The following DCDC2 variants were observed in gnomAD, a reference collection of about 807,000 sequenced individuals.
DCDC2 encodes doublecortin domain-containing protein 2.
Under a neutral mutation model 50.2 loss-of-function variants are expected in DCDC2, and 40 were observed. The observed-to-expected ratio is 0.80, with a 90% confidence interval of 0.62 to 1.04. The LOEUF is 1.04. DCDC2 is among the 50% of genes least tolerant of loss of function. The probability of loss-of-function intolerance (pLI) is 0.00; values close to 1 mark genes in which losing one functional copy is unlikely to be tolerated. For synonymous variants in DCDC2, 234 were observed against 210.6 expected (o/e 1.11, Z -0.96); for missense variants, 570 against 581.9 (o/e 0.98, Z 0.21).
At chr6:24,191,616 T>A (rs887710391) in intron 8 of DCDC2, among the ~76,000 whole-genome samples, 5 of 152,146 alleles carry the variant, frequency 3.3e-5, no homozygotes, top group African/African-American at 1.2e-4. Flanking sequence ...GATTCCCTCA[T>A]AGAAAATCTG....
the DCDC2 span, among the ~76,000 whole-genome samples, chr6:24,370,756 T>C: frequency 6.6e-6 from 1 of 152,170 alleles, no homozygotes; most frequent in Non-Finnish European, 1.5e-5. Flanking sequence ...AAAAACTGTG[T>C]ATAACATGTT....
At position 24,256,281 on chromosome 6, in the gene DCDC2, T is replaced by TG. The variant is rs1263410354; in HGVS notation, c.922+21767_922+21768insC. ...GCTTCTCAGATGCTGGACATTTTTTTTTTTTTTTTTATCTGACTGTTGATT... is the reference window on the plus strand; with the variant it reads ...GCTTCTCAGATGCTGGACATTTTTTTGTTTTTTTTTTATCTGACTGTTGATT... On this transcript the variant is annotated intron_variant, in intron 7 of 9. Transcript: ENST00000378454. Among the ~76,000 whole-genome samples, 36 of 151,956 alleles carry TG rather than the reference T, an allele frequency of 2.4e-4. No homozygotes were observed. In the East Asian group the frequency reaches 5.2e-3, roughly 22 times the overall value.
intron 6 of DCDC2, among the ~76,000 whole-genome samples, chr6:24,281,389 G>A (rs1581629042): frequency 6.9e-6 from 1 of 145,710 alleles, no homozygotes; most frequent in Non-Finnish European, 1.5e-5. Context: ...TCCCCAGGCT[G>A]GCCTCAAATT....
chr6:24,287,392 G>T (rs1251599053), intron 6 of DCDC2, among the ~76,000 whole-genome samples: 1 of 151,990 alleles, frequency 6.6e-6, no homozygotes, highest in African/African-American at 2.4e-5. Flanking sequence ...GTCTCACTCT[G>T]TTGCCCAGGC....
At chr6:24,320,336 G>GT (rs1322135982) in intron 2 of DCDC2, among the ~76,000 whole-genome samples, 5 of 152,198 alleles carry the variant, frequency 3.3e-5, no homozygotes, top group African/African-American at 9.6e-5. Flanking sequence ...TGTTTGTTTT[G>GT]TGGGGGGTGG....
chr6:24,324,775 TG>T (rs1197217916), intron 2 of DCDC2, among the ~76,000 whole-genome samples: 5 of 151,652 alleles, frequency 3.3e-5, no homozygotes, highest in African/African-American at 1.2e-4. Context: ...TCCAGCTACT[TG>T]GGAGGGTGAG....
chr6:24,331,469 G>A (rs751548632), intron 2 of DCDC2, among the ~76,000 whole-genome samples: 14 of 151,712 alleles, frequency 9.2e-5, no homozygotes, highest in South Asian at 2.1e-4. Flanking sequence ...AGAATGGGTC[G>A]TATATTATAT....
intron 2 of DCDC2, among the ~76,000 whole-genome samples, chr6:24,317,804 AAAC>A (rs1759699566): frequency 6.6e-6 from 1 of 151,848 alleles, no homozygotes; most frequent in Non-Finnish European, 1.5e-5. Context: ...AATAAAAAAA[AAAC>A]TCTTTATACT....
chr6:24,381,958 A>AGGC, the DCDC2 span, among the ~76,000 whole-genome samples: 3 of 137,708 alleles, frequency 2.2e-5, no homozygotes, highest in African/African-American at 8.8e-5. Context: ...GAAGGAAAGA[A>AGGC]AGAAGGAAGG....
intron 2 of DCDC2, among the ~76,000 whole-genome samples, chr6:24,330,965 G>GA (rs967901558): frequency 8.5e-5 from 13 of 152,188 alleles, no homozygotes; most frequent in Admixed American, 7.9e-4. Context: ...TATTTGAGGA[G>GA]AAAAAGAATA....
intron 7 of DCDC2, among the ~76,000 whole-genome samples, chr6:24,226,107 C>G (rs1762229153): frequency 6.6e-6 from 1 of 152,176 alleles, no homozygotes; most frequent in Non-Finnish European, 1.5e-5. Flanking sequence ...TACTTGCCCA[C>G]AGTGGATTTA....
chr6:24,222,856 T>G (rs1421055176), intron 7 of DCDC2, among the ~76,000 whole-genome samples: 2 of 152,238 alleles, frequency 1.3e-5, no homozygotes, highest in African/African-American at 4.8e-5. Flanking sequence ...GTTCTATTAT[T>G]AAAGCCATTA....
At chr6:24,225,359 CAAAT>C (rs1324942227) in intron 7 of DCDC2, among the ~76,000 whole-genome samples, 11 of 152,222 alleles carry the variant, frequency 7.2e-5, no homozygotes, top group Admixed American at 2.6e-4. Context: ...GCAGTAGACA[CAAAT>C]AAACACATCT....
intron 8 of DCDC2, among the ~76,000 whole-genome samples, chr6:24,193,097 T>C (rs915802839): frequency 6.6e-6 from 1 of 152,052 alleles, no homozygotes; most frequent in Admixed American, 6.6e-5. Context: ...CCCCTCACAA[T>C]TCTGAGAGAA....
intron 2 of DCDC2, among the ~76,000 whole-genome samples, chr6:24,327,590 C>T (rs1007492048): frequency 6.6e-6 from 1 of 151,660 alleles, no homozygotes; most frequent in Admixed American, 6.6e-5. Flanking sequence ...TCTCCTGCCT[C>T]AGCCTCCTGA....
intron 8 of DCDC2, among the ~76,000 whole-genome samples, chr6:24,188,478 T>C (rs1449647027): frequency 6.6e-6 from 1 of 152,186 alleles, no homozygotes; most frequent in Non-Finnish European, 1.5e-5. Context: ...CATGCCACTG[T>C]TTAAGAGTCA....
chr6:24,198,680 G>A (rs1761505662), intron 8 of DCDC2, among the ~76,000 whole-genome samples: 1 of 152,106 alleles, frequency 6.6e-6, no homozygotes, highest in Non-Finnish European at 1.5e-5. Flanking sequence ...CCTGGAAAGG[G>A]GGCTGAAGCC....
At chr6:24,329,635 CA>C (rs1484714290) in intron 2 of DCDC2, among the ~76,000 whole-genome samples, 2 of 152,166 alleles carry the variant, frequency 1.3e-5, no homozygotes, top group Non-Finnish European at 2.9e-5. Context: ...TACCCATTGC[CA>C]TGATTCATCT....
the DCDC2 span, among the ~76,000 whole-genome samples, chr6:24,372,585 C>A: frequency 6.6e-6 from 1 of 152,090 alleles, no homozygotes; most frequent in African/African-American, 2.4e-5. Flanking sequence ...ACTGTGCAGC[C>A]ATAAAAAATG....
Sources: gnomAD v4.1 joint callset for allele counts (sites outside exome capture counted in the v4.1 genomes callset) on GRCh38, gnomAD v4.1.1 for gene constraint, MANE v1.5 for transcripts, NCBI Gene and HGNC (gene_info 2026-07-23, HGNC 2026-07-21) for gene names.